TEX10: variants seen among roughly 807,000 people sequenced by gnomAD.
TEX10 encodes the protein testis expressed 10.
Under a neutral mutation model 104.4 loss-of-function variants are expected in TEX10, and 24 were observed. The ratio of observed to expected loss-of-function variants is 0.23; its 90% CI spans 0.17 to 0.32. TEX10 has a LOEUF of 0.32. Ranked by LOEUF, TEX10 falls within the 10% of genes least tolerant of loss-of-function variation. The probability of loss-of-function intolerance (pLI) is 1.00; values close to 1 mark genes in which losing one functional copy is unlikely to be tolerated. For missense variants in TEX10, 921 were observed against 1,083.9 expected (o/e 0.85, Z 2.11); for synonymous variants, 396 against 393.4 (o/e 1.01, Z -0.08).
chr9:100,341,370 C>T (rs1331373693), intron 4 of TEX10, among the ~76,000 whole-genome samples: 1 of 152,186 alleles, frequency 6.6e-6, no homozygotes, highest in African/African-American at 2.4e-5. Flanking sequence ...ATCATTTCTG[C>T]CTGAGCTCCA....
chr9:100,326,418 A>G lies in TEX10; in HGVS notation c.1863T>C (p.Leu621=), dbSNP rs758089937. The G allele has an allele frequency of 6.2e-7, 1 of 1,614,020 alleles. No homozygotes were observed. Among genetic ancestry groups the G allele is most frequent in the Admixed American group, 1.7e-5 (1 of 59,994 alleles). ...PADSQQRLVQ[L]VYFLPSLPAD... ...CCGGCAGACTGGGTAGGAAATATACAAGCTGAACCAAACGCTGCTGAGAGT... is the reference window on the plus strand; with the variant it reads ...CCGGCAGACTGGGTAGGAAATATACGAGCTGAACCAAACGCTGCTGAGAGT... Residue 621 remains leucine (L), a synonymous_variant, in exon 9 of 15, where the codon CTT becomes CTC. Coordinates refer to ENST00000374902, the MANE Select transcript of TEX10 (RefSeq NM_017746.4).
intron 10 of TEX10, among the ~76,000 whole-genome samples, chr9:100,321,343 CA>C (rs1834566679): frequency 6.6e-6 from 1 of 152,062 alleles, no homozygotes; most frequent in Non-Finnish European, 1.5e-5. Flanking sequence ...TCCAAGTATA[CA>C]ATGAAAATAT....
intron 5 of TEX10, among the ~76,000 whole-genome samples, chr9:100,334,853 C>T (rs1455869622): frequency 6.6e-6 from 1 of 152,064 alleles, no homozygotes. Context: ...TTAGTAAAGA[C>T]AGGGTTTCGC....
At chr9:100,313,486 G>C (rs1312238003) in intron 11 of TEX10, among the ~76,000 whole-genome samples, 1 of 149,960 alleles carries the variant, frequency 6.7e-6, no homozygotes, top group Non-Finnish European at 1.5e-5. Flanking sequence ...TTGTACGCCA[G>C]CCTGGGCAAC....
At chr9:100,325,332 C>T (rs928856954) in intron 9 of TEX10, among the ~76,000 whole-genome samples, 4 of 152,164 alleles carry the variant, frequency 2.6e-5, no homozygotes, top group African/African-American at 9.7e-5. Flanking sequence ...ATACTTCCAA[C>T]ATGAGCAACA....
intron 9 of TEX10, among the ~76,000 whole-genome samples, chr9:100,324,533 A>G (rs1834654893): frequency 6.6e-6 from 1 of 152,236 alleles, no homozygotes; most frequent in South Asian, 2.1e-4. Context: ...TTTAACTACA[A>G]TGACAATCAT....
chr9:100,352,726 T>G, intron 1 of TEX10, 46 bp downstream of exon 1: 2 of 1,207,444 alleles, frequency 1.7e-6, no homozygotes, highest in Non-Finnish European at 2.1e-6. Flanking sequence ...CCACGCTCAG[T>G]CCCGCGCCCC....
intron 5 of TEX10, among the ~76,000 whole-genome samples, chr9:100,340,047 T>A (rs1835136431): frequency 6.6e-6 from 1 of 152,106 alleles, no homozygotes; most frequent in Non-Finnish European, 1.5e-5. Context: ...AAAAAAACCA[T>A]TTTACAGACT....
chr9:100,352,650 G>A (rs1835490737), intron 1 of TEX10, 122 bp downstream of exon 1: 2 of 1,434,648 alleles, frequency 1.4e-6, no homozygotes, highest in Non-Finnish European at 1.8e-6. Flanking sequence ...CCCAGACCCG[G>A]GGGACGCAAA....
At chr9:100,307,227 CTG>C (rs768628804) in intron 13 of TEX10, 2 of 152,196 alleles carry the variant, frequency 1.3e-5, no homozygotes, top group Non-Finnish European at 2.9e-5. Flanking sequence ...ATAGAGCAGA[CTG>C]AGCAAACTAT....
At chr9:100,311,509 A>C (rs1308161706) in intron 11 of TEX10, among the ~76,000 whole-genome samples, 1 of 152,224 alleles carries the variant, frequency 6.6e-6, no homozygotes, top group Non-Finnish European at 1.5e-5. Flanking sequence ...GAGTGCTATG[A>C]CAGAAAGATC....
At position 100,320,412 on chromosome 9, in the gene TEX10, CAAAG is replaced by C. The variant is rs1007877654; in HGVS notation, c.2069-18_2069-15del. The C allele has an allele frequency of 2.7e-5, 43 of 1,571,464 alleles. No individual in the cohort carries two copies. The highest frequency in any genetic ancestry group is 1.5e-4 in the African/African-American group (11 of 72,626). On this transcript the variant is annotated splice_polypyrimidine_tract_variant and intron_variant, in intron 10 of 14. Transcript: ENST00000374902. ...CTTTCGAAAACCCTAATTCAGGTAA[CAAAG>C]AAAGCCAATTTAAAAAAACAAAAAA...
chr9:100,320,734 A>G (rs984571313), intron 10 of TEX10, among the ~76,000 whole-genome samples: 4 of 152,258 alleles, frequency 2.6e-5, no homozygotes, highest in Non-Finnish European at 4.4e-5. Flanking sequence ...GCAAATGAGC[A>G]AGTAAAAGCA....
Position 100,320,261 on chromosome 9 carries a change from T to C in TEX10, c.2202+4A>G, listed in dbSNP as rs1266202675. On this transcript the variant is annotated splice_donor_region_variant and intron_variant, in intron 11 of 14. Transcript: ENST00000374902. Reference sequence around the variant, plus strand: ...TATTAGTTTCTTTTTAAATGAACTATTACCTCTGTTACATCCCAGTGGTGT... The same window carrying C: ...TATTAGTTTCTTTTTAAATGAACTACTACCTCTGTTACATCCCAGTGGTGT... 2 of 1,597,702 alleles carry C rather than the reference T, an allele frequency of 1.3e-6. No homozygotes were observed. Among genetic ancestry groups the C allele is most frequent in the Non-Finnish European group, 1.7e-6 (2 of 1,173,586 alleles).
intron 4 of TEX10, among the ~76,000 whole-genome samples, chr9:100,342,431 T>G (rs1835196002): frequency 6.6e-6 from 1 of 152,204 alleles, no homozygotes; most frequent in Non-Finnish European, 1.5e-5. Flanking sequence ...ATAGTACTAT[T>G]CAAAAGACCT....
intron 9 of TEX10, among the ~76,000 whole-genome samples, chr9:100,322,118 T>C (rs959860597): frequency 2.6e-5 from 4 of 152,240 alleles, no homozygotes; most frequent in Non-Finnish European, 4.4e-5. Flanking sequence ...GTATTTACTA[T>C]TTGATTTTTA....
rs1834675548 is a variant in TEX10, at chr9:100,325,225, A to G, written c.1979+1077T>C. Among the ~76,000 whole-genome samples, 3 of 152,192 alleles carry G rather than the reference A, an allele frequency of 2.0e-5. No homozygotes were observed. The South Asian group carries it at 6.2e-4, about 32-fold the overall frequency. On this transcript the variant is annotated intron_variant, in intron 9 of 14. Transcript: ENST00000374902. ...CAAGAAAAGTTTTCAACTACAGCCT[A>G]GATTTCTATTTCTGCCTAAAACCAC...
At chr9:100,329,818 T>C in intron 6 of TEX10, 113 bp downstream of exon 6, 1 of 915,600 alleles carries the variant, frequency 1.1e-6, no homozygotes, top group Non-Finnish European at 1.7e-6. Context: ...ATGGCTTGAA[T>C]ACAATTAGCC....
chr9:100,341,515 C>G (rs62578358), intron 4 of TEX10, among the ~76,000 whole-genome samples: 1 of 52,346 alleles, frequency 1.9e-5, no homozygotes, highest in South Asian at 1.6e-3. Context: ...ACACTGGCAT[C>G]ATCCTTGACT....
Sources: gnomAD v4.1 joint callset for allele counts (sites outside exome capture counted in the v4.1 genomes callset) on GRCh38, gnomAD v4.1.1 for gene constraint, MANE v1.5 for transcripts, NCBI Gene and HGNC (gene_info 2026-07-23, HGNC 2026-07-21) for gene names.